The following MYO5C variants were observed in gnomAD, a reference collection of about 807,000 sequenced individuals.
The protein encoded by MYO5C is myosin VC.
Under a neutral mutation model 235.7 loss-of-function variants are expected in MYO5C, and 194 were observed. The ratio of observed to expected loss-of-function variants is 0.82; its 90% CI spans 0.73 to 0.93. The LOEUF (loss-of-function observed/expected upper bound fraction) is 0.93. Among genes scored for constraint, MYO5C ranks in the 40% least tolerant of loss-of-function variants. The probability of loss-of-function intolerance (pLI) is 0.00; values close to 1 mark genes in which losing one functional copy is unlikely to be tolerated. For synonymous variants in MYO5C, 707 were observed against 754.8 expected, an observed-to-expected ratio of 0.94 and a Z score of 1.04; for missense variants, 2,038 against 2,127.2, an observed-to-expected ratio of 0.96 and a Z score of 0.82.
chr15:52,289,882 AC>A (rs1020262089), intron 1 of MYO5C, among the ~76,000 whole-genome samples: 3 of 152,094 alleles, frequency 2.0e-5, no homozygotes, highest in African/African-American at 7.2e-5. Flanking sequence ...GCCACCCAAA[AC>A]CACTAGCACT....
chr15:52,275,785 G>T, intron 4 of MYO5C, 67 bp from the exon 5 acceptor site: 1 of 1,428,492 alleles, frequency 7.0e-7, no homozygotes, highest in Non-Finnish European at 9.8e-7. Context: ...TGCTAATTAA[G>T]ACAAATGTGG....
chr15:52,293,758 G>A (rs1009394354), intron 1 of MYO5C, among the ~76,000 whole-genome samples: 5 of 151,964 alleles, frequency 3.3e-5, no homozygotes, highest in African/African-American at 7.3e-5. Flanking sequence ...ACGTGACCCC[G>A]GCCTCTCTCC....
chr15:52,197,182 C>T (rs954604502), intron 38 of MYO5C, among the ~76,000 whole-genome samples: 2 of 152,198 alleles, frequency 1.3e-5, no homozygotes, highest in African/African-American at 2.4e-5. Flanking sequence ...AAACTCTGTA[C>T]ACAAATGTTC....
At chr15:52,260,728 T>C in intron 10 of MYO5C, 134 bp downstream of exon 10, 1 of 988,514 alleles carries the variant, frequency 1.0e-6, no homozygotes, top group East Asian at 2.6e-5. Flanking sequence ...ACTTAGCATC[T>C]ATAGGGGCAA....
At chr15:52,282,273 T>C (rs183363225) in intron 2 of MYO5C, among the ~76,000 whole-genome samples, 105 of 152,300 alleles carry the variant, frequency 6.9e-4, no homozygotes, top group Admixed American at 3.6e-3. Context: ...TATATATCTG[T>C]GGACCGACTC....
rs1359638246 is a variant in MYO5C, at chr15:52,260,714, G to A, written c.1313+148C>T. The A allele has an allele frequency of 4.9e-6, 4 of 809,792 alleles. No individual in the cohort carries two copies. In the East Asian group the frequency reaches 8.0e-5, roughly 16 times the overall value. The allele number at this position is 809,792 out of a possible 1,614,324, so 50.2% of individuals were successfully genotyped here. On this transcript the variant is annotated intron_variant, in intron 10 of 40. Transcript: ENST00000261839. ...ATAAATGGCACCATAGCCCAGGAGAGTGTACTTAGCATCTATAGGGGCAAA... is the reference window on the plus strand; with the variant it reads ...ATAAATGGCACCATAGCCCAGGAGAATGTACTTAGCATCTATAGGGGCAAA...
At chr15:52,292,534 T>G (rs1437099542) in intron 1 of MYO5C, among the ~76,000 whole-genome samples, 1 of 152,220 alleles carries the variant, frequency 6.6e-6, no homozygotes, top group East Asian at 1.9e-4. Flanking sequence ...CACATGAAAC[T>G]CTGAGGATGG....
intron 35 of MYO5C, among the ~76,000 whole-genome samples, chr15:52,209,146 C>T (rs3794548): frequency 0.53 from 79,821 of 151,726 alleles, 24,948 homozygotes; most frequent in Non-Finnish European, 0.71. Context: ...CCTCCACTTA[C>T]AGGGCAGGAA....
chr15:52,232,677 C>G lies in MYO5C; in HGVS notation c.2971G>C (p.Asp991His). 6.2e-7 allele frequency: 1 copy of G among 1,613,550 alleles called. No individual in the cohort carries two copies. Among genetic ancestry groups the G allele is most frequent in the Non-Finnish European group, 8.5e-7 (1 of 1,179,880 alleles). Residue 991 changes from aspartate (D) to histidine (H), a missense_variant, in exon 24 of 41, where the codon GAC becomes CAC. Asp to His is a moderately conservative substitution (Grantham distance 81, BLOSUM62 -1). Coordinates refer to ENST00000261839, the MANE Select transcript of MYO5C (RefSeq NM_018728.4). ...TCAAAGAGCTGCTTGGTGAGGTTGT[C>G]CATTTTTTCTGTAAAAAGAGAATGC... ...EKTEELKEKM[D>H]NLTKQLFDDV... is the part of the protein sequence containing the mutation.
intron 1 of MYO5C, among the ~76,000 whole-genome samples, chr15:52,293,727 G>C (rs888649888): frequency 2.0e-5 from 3 of 151,998 alleles, no homozygotes; most frequent in African/African-American, 7.3e-5. Context: ...CCAACAGCTG[G>C]AATGACCTGA....
In MYO5C at chr15:52,242,097, G is replaced by A. The variant is rs1447211337; in HGVS notation, c.2507C>T (p.Thr836Ile). Residue 836 changes from threonine (T) to isoleucine (I), a missense_variant, in exon 20 of 41, where the codon ACA (threonine) becomes ATA (isoleucine). Coordinates refer to ENST00000261839, the MANE Select transcript of MYO5C (RefSeq NM_018728.4). ...GAATCCTCGGCTGTAGGCCTGCATT[G>A]TGATGGTGGCCATGCGAATCAACTG... ...LYQLIRMATI[T>I]MQAYSRGFLA... 13 of 1,614,100 alleles carry A rather than the reference G, an allele frequency of 8.1e-6. No individual in the cohort carries two copies. The highest frequency in any genetic ancestry group is 2.2e-5 in the East Asian group (1 of 44,886).
intron 19 of MYO5C, 29 bp from the exon 20 acceptor site, chr15:52,242,242 T>C: frequency 6.3e-7 from 1 of 1,591,954 alleles, no homozygotes; most frequent in Non-Finnish European, 8.6e-7. Context: ...AGAGTGAGTC[T>C]GTTACCCACA....
chr15:52,281,779 T>C (rs183626524), intron 2 of MYO5C, among the ~76,000 whole-genome samples: 117 of 152,304 alleles, frequency 7.7e-4, no homozygotes, highest in African/African-American at 2.0e-3. Flanking sequence ...CTTCCCAGGA[T>C]CTCAGGAAAT....
intron 32 of MYO5C, among the ~76,000 whole-genome samples, chr15:52,215,752 T>C (rs1301430729): frequency 6.6e-6 from 1 of 152,220 alleles, no homozygotes; most frequent in African/African-American, 2.4e-5. Context: ...ATGGTAAATG[T>C]ACATTTTATA....
Position 52,275,677 on chromosome 15 carries a change from C to T in MYO5C, c.491G>A (p.Gly164Asp), listed in dbSNP as rs1367868337. The change falls in exon 5 of 41, where the codon GGT (glycine) becomes GAT (aspartate). Residue 164 changes from glycine (G) to aspartate (D), a missense_variant. Physicochemically the swap from Gly to Asp is moderately conservative, Grantham distance 94. Coordinates refer to ENST00000261839, the MANE Select transcript of MYO5C (RefSeq NM_018728.4). ...GCGAGCCGACACTGTCTTTCCAGCA[C>T]CTGACTCCCCACTTACAATTATGGA... ...NQSIIVSGES[G>D]AGKTVSARYA... 1 of 1,614,212 alleles carries T rather than the reference C, an allele frequency of 6.2e-7. No homozygotes were observed. The highest frequency in any genetic ancestry group is 1.7e-5 in the Admixed American group (1 of 60,026).
chr15:52,202,928 G>T (rs907587818), intron 38 of MYO5C, among the ~76,000 whole-genome samples: 15 of 146,162 alleles, frequency 1.0e-4, no homozygotes, highest in South Asian at 4.4e-4. Flanking sequence ...ATTTTTTTTT[G>T]TTTTTTTTTT....
At position 52,219,833 on chromosome 15, in the gene MYO5C, A is replaced by G; in HGVS notation, c.3722-11T>C. On this transcript the variant is annotated splice_polypyrimidine_tract_variant and intron_variant, in intron 30 of 40. Transcript: ENST00000261839. ...ATTCTTCTAGTTTTCCTATAATGAG[A>G]AGAACTGTCAGTACTTTGGGGGGGC... The G allele has an allele frequency of 6.2e-7, 1 of 1,604,836 alleles. No individual in the cohort carries two copies. Among genetic ancestry groups the G allele is most frequent in the Non-Finnish European group, 8.5e-7 (1 of 1,173,062 alleles).
At chr15:52,271,114 G>A (rs1408557648) in intron 7 of MYO5C, among the ~76,000 whole-genome samples, 2 of 152,202 alleles carry the variant, frequency 1.3e-5, no homozygotes, top group East Asian at 3.8e-4. Context: ...GTTTTAATAA[G>A]TGGGTTAACA....
At chr15:52,282,718 C>G (rs970155229) in intron 2 of MYO5C, 64 bp downstream of exon 2, 11 of 1,199,764 alleles carry the variant, frequency 9.2e-6, no homozygotes, top group Non-Finnish European at 1.2e-5. Context: ...GTGCTCCCAT[C>G]CTTACACACA....
Sources: allele counts gnomAD v4.1 joint callset (sites outside exome capture counted in the v4.1 genomes callset), GRCh38; gene constraint gnomAD v4.1.1; transcripts MANE v1.5; gene names NCBI Gene and HGNC (gene_info 2026-07-23, HGNC 2026-07-21).